The following LRRC4C variants were observed in gnomAD, a reference collection of about 807,000 sequenced individuals.
LRRC4C encodes leucine rich repeat containing 4C, also known as leucine-rich repeat-containing protein 4C.
In LRRC4C, 5 loss-of-function variants were observed where a neutral mutation model predicts 33.6. The ratio of observed to expected loss-of-function variants is 0.15; its 90% CI spans 0.08 to 0.31. The LOEUF is 0.31. Among genes scored for constraint, LRRC4C ranks in the 10% least tolerant of loss-of-function variants. The probability of loss-of-function intolerance (pLI) is 1.00; values close to 1 mark genes in which losing one functional copy is unlikely to be tolerated. For missense variants in LRRC4C, 560 were observed against 796.7 expected (o/e 0.70, Z 3.58); for synonymous variants, 329 against 302.0 (o/e 1.09, Z -0.93).
At chr11:41,040,061 C>T (rs758302862) in intron 1 of LRRC4C, among the ~76,000 whole-genome samples, 23 of 150,814 alleles carry the variant, frequency 1.5e-4, no homozygotes, top group Non-Finnish European at 3.4e-4. Flanking sequence ...TGGCGTGAAC[C>T]CAGGAGGCAG....
intron 3 of LRRC4C, among the ~76,000 whole-genome samples, chr11:40,433,437 G>T (rs2137878891): frequency 6.6e-6 from 1 of 152,186 alleles, no homozygotes; most frequent in Non-Finnish European, 1.5e-5. Context: ...TTTGGAAGGA[G>T]AATGGAAGTG....
intron 2 of LRRC4C, among the ~76,000 whole-genome samples, chr11:40,771,660 T>C (rs1399275686): frequency 6.6e-6 from 1 of 152,126 alleles, no homozygotes; most frequent in Admixed American, 6.6e-5. Context: ...TTCCACCAGG[T>C]ACCCAAAATT....
At chr11:40,877,112 T>C (rs1212535721) in intron 2 of LRRC4C, among the ~76,000 whole-genome samples, 1 of 141,420 alleles carries the variant, frequency 7.1e-6, no homozygotes, top group Admixed American at 7.7e-5. Context: ...CTGTAAAACG[T>C]TGTTAAGTTC....
intron 2 of LRRC4C, among the ~76,000 whole-genome samples, chr11:40,772,462 A>G (rs1309555371): frequency 6.6e-6 from 1 of 152,222 alleles, no homozygotes; most frequent in South Asian, 2.1e-4. Flanking sequence ...ACAGAGTAAG[A>G]AGCAGAATGT....
At chr11:40,440,876 T>C (rs920205668) in intron 3 of LRRC4C, among the ~76,000 whole-genome samples, 3 of 151,942 alleles carry the variant, frequency 2.0e-5, no homozygotes, top group Non-Finnish European at 4.4e-5. Context: ...ATTTTTTTTT[T>C]TTTTATTAGT....
chr11:40,636,097 G>A (rs1963938423), intron 3 of LRRC4C, among the ~76,000 whole-genome samples: 2 of 152,142 alleles, frequency 1.3e-5, no homozygotes, highest in South Asian at 4.1e-4. Context: ...CTCGGACATT[G>A]GGACAACTAA....
At chr11:40,862,321 T>C (rs907066300) in intron 2 of LRRC4C, among the ~76,000 whole-genome samples, 6 of 152,158 alleles carry the variant, frequency 3.9e-5, no homozygotes, top group Non-Finnish European at 8.8e-5. Flanking sequence ...TGGTGAACCA[T>C]GGTTTAGGCT....
chr11:40,698,067 CAAAAAA>C lies in LRRC4C; in HGVS notation c.-406-49795_-406-49790del, dbSNP rs10713512. On this transcript the variant is annotated intron_variant, in intron 2 of 6. Coordinates refer to ENST00000528697, the MANE Select transcript of LRRC4C (RefSeq NM_001258419.2). Reference sequence around the variant, plus strand: ...TGGGCAACAGAGTGAGACTCTGTCTCAAAAAAAAAAAAAAAAAAATTACATTTAATA... The same window carrying C: ...TGGGCAACAGAGTGAGACTCTGTCTCAAAAAAAAAAAAATTACATTTAATA... Among the ~76,000 whole-genome samples, 216 of 105,304 alleles carry C rather than the reference CAAAAAA, an allele frequency of 2.1e-3. 2 individuals carry two copies. The highest frequency in any genetic ancestry group is 6.5e-3 in the African/African-American group (209 of 32,248). The allele number at this position is 105,304 out of a possible 152,430, so 69.1% of individuals were successfully genotyped here. A position where few individuals can be genotyped will look rare whatever the true frequency, so the allele number is the denominator to read the frequency against.
intron 2 of LRRC4C, among the ~76,000 whole-genome samples, chr11:40,876,999 G>A (rs1954927927): frequency 6.6e-6 from 1 of 151,764 alleles, no homozygotes; most frequent in African/African-American, 2.4e-5. Flanking sequence ...ACTTTTGTGA[G>A]TAAGAGAAGA....
chr11:40,879,084 G>A (rs1046291407), intron 2 of LRRC4C, among the ~76,000 whole-genome samples: 2 of 152,164 alleles, frequency 1.3e-5, no homozygotes, highest in African/African-American at 4.8e-5. Context: ...TCTCAATAGT[G>A]TTCTTGTACA....
rs187989400 is a variant in LRRC4C at position 40,121,623 on chromosome 11, C to A, written c.-42-5289G>T. ...AACTATGATACTTTTAGCCTTGTCC[C>A]AGAGGATATCTTGACTTTGTCAACA... is the stretch of plus-strand genomic sequence containing the variant. On this transcript the variant is annotated intron_variant, in intron 6 of 6. Coordinates refer to ENST00000528697, the MANE Select transcript of LRRC4C (RefSeq NM_001258419.2). 1.1e-3 allele frequency among the ~76,000 whole-genome samples: 169 copies of A among 152,280 alleles called. 1 individual carries two copies. Among genetic ancestry groups the A allele is most frequent in the Non-Finnish European group, 1.6e-3 (110 of 68,030 alleles).
intron 2 of LRRC4C, among the ~76,000 whole-genome samples, chr11:40,859,793 G>C (rs1953983199): frequency 6.6e-6 from 1 of 152,180 alleles, no homozygotes; most frequent in Admixed American, 6.5e-5. Context: ...AAATGTGAAT[G>C]AGGCCGGACG....
At chr11:40,246,861 C>T (rs1056166070) in intron 4 of LRRC4C, among the ~76,000 whole-genome samples, 4 of 151,994 alleles carry the variant, frequency 2.6e-5, no homozygotes, top group African/African-American at 7.2e-5. Context: ...AGTATTGATG[C>T]TCATAGGAAG....
chr11:40,789,117 A>C (rs948900060), intron 2 of LRRC4C, among the ~76,000 whole-genome samples: 1 of 150,592 alleles, frequency 6.6e-6, no homozygotes, highest in Non-Finnish European at 1.5e-5. Context: ...AAAAAAAAAA[A>C]GCATATTATA....
chr11:41,152,890 A>G (rs1273041682), intron 1 of LRRC4C, among the ~76,000 whole-genome samples: 19 of 152,148 alleles, frequency 1.2e-4, no homozygotes, highest in Admixed American at 9.2e-4. Flanking sequence ...AGCTCATACC[A>G]CTAGCCAACT....
At chr11:40,789,387 A>G (rs563947371) in intron 2 of LRRC4C, among the ~76,000 whole-genome samples, 11 of 152,266 alleles carry the variant, frequency 7.2e-5, no homozygotes, top group Middle Eastern at 3.4e-3. Context: ...ATCTATACAT[A>G]TAAGGCTTTG....
At chr11:40,318,769 T>C (rs958479317) in intron 4 of LRRC4C, among the ~76,000 whole-genome samples, 1 of 152,198 alleles carries the variant, frequency 6.6e-6, no homozygotes, top group Non-Finnish European at 1.5e-5. Context: ...AATTGAAAAC[T>C]ACTATCTGCA....
At chr11:40,550,513 C>T (rs1490730736) in intron 3 of LRRC4C, among the ~76,000 whole-genome samples, 1 of 152,156 alleles carries the variant, frequency 6.6e-6, no homozygotes, top group Non-Finnish European at 1.5e-5. Flanking sequence ...GGCCTGACAG[C>T]CTCCAGACTA....
chr11:40,348,640 G>A (rs1166831146), intron 3 of LRRC4C, among the ~76,000 whole-genome samples: 1 of 152,114 alleles, frequency 6.6e-6, no homozygotes, highest in African/African-American at 2.4e-5. Context: ...AACAGCTAAT[G>A]AGCCTCCACC....
Sources: gnomAD v4.1 joint callset for allele counts (sites outside exome capture counted in the v4.1 genomes callset) on GRCh38, gnomAD v4.1.1 for gene constraint, MANE v1.5 for transcripts, NCBI Gene and HGNC (gene_info 2026-07-23, HGNC 2026-07-21) for gene names.